Variants in FNDC3B observed in about 807,000 individuals in gnomAD.
FNDC3B encodes fibronectin type III domain containing 3B, also known as fibronectin type III domain-containing protein 3B.
A neutral mutation model predicts 151.5 loss-of-function variants in FNDC3B; 12 were observed. The observed-to-expected ratio is 0.08, with a 90% CI of 0.05 to 0.13. The LOEUF (loss-of-function observed/expected upper bound fraction) is 0.13, where lower values mean the gene tolerates loss of function less well. FNDC3B is among the 10% of genes least tolerant of loss of function. The pLI is 1.00. For synonymous variants in FNDC3B, 528 were observed against 549.0 expected (o/e 0.96, Z 0.54); for missense variants, 1,214 against 1,505.3 (o/e 0.81, Z 3.20).
At chr3:172,201,296 C>G (rs1471759584) in intron 3 of FNDC3B, among the ~76,000 whole-genome samples, 1 of 152,166 alleles carries the variant, frequency 6.6e-6, no homozygotes, top group Non-Finnish European at 1.5e-5. Flanking sequence ...TTTTTCCACC[C>G]TGCTTCTGGC....
intron 11 of FNDC3B, among the ~76,000 whole-genome samples, chr3:172,322,250 A>G (rs1236293140): frequency 6.6e-6 from 1 of 152,222 alleles, no homozygotes; most frequent in Non-Finnish European, 1.5e-5. Context: ...GTCTAGCATC[A>G]GTGCTCACTT....
intron 22 of FNDC3B, among the ~76,000 whole-genome samples, chr3:172,358,121 G>A (rs768825510): frequency 2.0e-5 from 3 of 152,180 alleles, no homozygotes; most frequent in Non-Finnish European, 4.4e-5. Context: ...TTCTGCTCAC[G>A]CCTGGATCTA....
intron 3 of FNDC3B, among the ~76,000 whole-genome samples, chr3:172,197,116 G>A (rs1354219794): frequency 6.6e-6 from 1 of 152,116 alleles, no homozygotes; most frequent in Non-Finnish European, 1.5e-5. Context: ...GGGAGGTGGA[G>A]GTTGCAGTGA....
intron 11 of FNDC3B, among the ~76,000 whole-genome samples, chr3:172,326,810 C>G (rs893424652): frequency 2.0e-5 from 3 of 151,044 alleles, no homozygotes; most frequent in Admixed American, 1.3e-4. Flanking sequence ...GAAACACTGA[C>G]TTTTTTTTTA....
rs1735331127 is a variant in FNDC3B, at chr3:172,379,571, T to C, written c.3175+1135T>C. ...GCAGACTCTTTGGCAGACCCTTCTT[T>C]ATGTGACTAAGACATGAGTATGAAT... On this transcript the variant is annotated intron_variant, in intron 24 of 25. Coordinates refer to ENST00000415807, the MANE Select transcript of FNDC3B (RefSeq NM_022763.4). Among the ~76,000 whole-genome samples the C allele has an allele frequency of 2.6e-5, 4 of 152,278 alleles. No individual in the cohort carries two copies. In the South Asian group the frequency reaches 8.3e-4, roughly 31 times the overall value.
At chr3:172,144,104 G>T (rs2108590440) in intron 3 of FNDC3B, among the ~76,000 whole-genome samples, 1 of 152,166 alleles carries the variant, frequency 6.6e-6, no homozygotes, top group East Asian at 1.9e-4. Flanking sequence ...TCTCGTGAGG[G>T]CCTCAAAGAA....
intron 3 of FNDC3B, among the ~76,000 whole-genome samples, chr3:172,203,420 A>T (rs1332080189): frequency 6.6e-6 from 1 of 152,222 alleles, no homozygotes; most frequent in African/African-American, 2.4e-5. Context: ...TTATTTATTT[A>T]TGACATTGAG....
At chr3:172,072,019 C>T (rs1717805388) in intron 1 of FNDC3B, among the ~76,000 whole-genome samples, 1 of 151,322 alleles carries the variant, frequency 6.6e-6, no homozygotes, top group African/African-American at 2.4e-5. Flanking sequence ...TGGAGTGCCT[C>T]CTTTGGTTAA....
intron 6 of FNDC3B, among the ~76,000 whole-genome samples, chr3:172,264,417 C>G (rs371611142): frequency 5.3e-5 from 8 of 152,156 alleles, no homozygotes; most frequent in Non-Finnish European, 1.2e-4. Context: ...GATTTCAGAA[C>G]TTGGTTTTCT....
intron 25 of FNDC3B, among the ~76,000 whole-genome samples, chr3:172,388,499 T>C (rs1214418837): frequency 2.6e-5 from 4 of 152,190 alleles, no homozygotes; most frequent in Admixed American, 6.5e-5. Flanking sequence ...GCCGTTTAAA[T>C]TGGATTGAGT....
intron 3 of FNDC3B, among the ~76,000 whole-genome samples, chr3:172,192,169 G>GTTTTT (rs200952601): frequency 3.1e-4 from 27 of 87,400 alleles, no homozygotes; most frequent in South Asian, 4.9e-4. Context: ...TTTTGTGTGT[G>GTTTTT]TTTTTTGTTT....
At position 172,247,563 on chromosome 3, in the gene FNDC3B, G is replaced by C; in HGVS notation, c.295G>C (p.Val99Leu). 2.5e-6 allele frequency: 4 copies of C among 1,614,068 alleles called. No homozygotes were observed. The highest frequency in any genetic ancestry group is 3.4e-6 in the Non-Finnish European group (4 of 1,179,984). Residue 99 changes from valine to leucine, a missense_variant, in exon 5 of 26, where the codon GTG (valine) becomes CTG (leucine). Around this residue, in one of 7 missense-constraint regions of FNDC3B, gnomAD observed 113 missense variants for 177.8 expected, o/e 0.64. Transcript: ENST00000415807. ...TGAAGATAGTACTGGAGTCCGCCGGGTGGTGGTCACACCCCAGTCTCCTGA... is the reference window on the plus strand; with the variant it reads ...TGAAGATAGTACTGGAGTCCGCCGGCTGGTGGTCACACCCCAGTCTCCTGA... ...VIEDSTGVRR[V>L]VVTPQSPECY...
At chr3:172,325,106 C>T (rs1290725857) in intron 11 of FNDC3B, among the ~76,000 whole-genome samples, 1 of 152,230 alleles carries the variant, frequency 6.6e-6, no homozygotes, top group African/African-American at 2.4e-5. Flanking sequence ...GTCCCTGCTG[C>T]CTGTGTGTGA....
intron 2 of FNDC3B, among the ~76,000 whole-genome samples, chr3:172,114,233 A>G (rs781772317): frequency 6.6e-6 from 1 of 152,064 alleles, no homozygotes; most frequent in African/African-American, 2.4e-5. Flanking sequence ...ACTGTGCTCA[A>G]GTAGTTCATG....
intron 3 of FNDC3B, among the ~76,000 whole-genome samples, chr3:172,189,301 A>G (rs1724378836): frequency 1.3e-5 from 2 of 152,198 alleles, no homozygotes; most frequent in African/African-American, 4.8e-5. Context: ...TTTCCCACTT[A>G]GAACAAATTA....
chr3:172,183,902 G>T (rs372447148), intron 3 of FNDC3B, among the ~76,000 whole-genome samples: 1 of 152,066 alleles, frequency 6.6e-6, no homozygotes, highest in Non-Finnish European at 1.5e-5. Flanking sequence ...TTGGCATAAT[G>T]ATTTGCATTA....
intron 11 of FNDC3B, 157 bp downstream of exon 11, chr3:172,311,038 G>A: frequency 1.6e-6 from 1 of 618,274 alleles, no homozygotes; most frequent in South Asian, 1.9e-5. Flanking sequence ...TATGGAAAAT[G>A]AAGTTAGATT....
Position 172,237,232 on chromosome 3 carries a change from C to T in FNDC3B, c.264+10285C>T, listed in dbSNP as rs575450107. ...CAGCTGTGATTCTCCTGAACAGCAA[C>T]ACTTGATTTGTTAACTGGAGCTAAC... On this transcript the variant is annotated intron_variant, in intron 4 of 25. Coordinates refer to ENST00000415807, the MANE Select transcript of FNDC3B (RefSeq NM_022763.4). The T allele has an allele frequency of 8.8e-4, 134 of 152,330 alleles. 1 individual carries two copies. The highest frequency in any genetic ancestry group is 3.0e-3 in the African/African-American group (124 of 41,566). 9.4% of individuals were successfully genotyped at this position (152,330 alleles called of 1,614,324 possible).
intron 1 of FNDC3B, among the ~76,000 whole-genome samples, chr3:172,051,632 A>G (rs1716659076): frequency 2.0e-5 from 3 of 152,298 alleles, no homozygotes; most frequent in South Asian, 2.1e-4. Flanking sequence ...GGGTGCATCA[A>G]AATCTCATAA....
Sources: allele counts gnomAD v4.1 joint callset (sites outside exome capture counted in the v4.1 genomes callset), GRCh38; gene constraint gnomAD v4.1.1; regional missense constraint gnomAD v4.1.1; transcripts MANE v1.5; gene names NCBI Gene and HGNC (gene_info 2026-07-23, HGNC 2026-07-21).